Variants in ENTREP2 observed in about 807,000 individuals in gnomAD.
ENTREP2 encodes the protein protein ENTREP2.
chr15:29,381,285 T>C, the ENTREP2 span, among the ~76,000 whole-genome samples: 2 of 150,270 alleles, frequency 1.3e-5, no homozygotes, highest in East Asian at 4.0e-4. Context: ...TGAAACCCCA[T>C]CTCTACTAAA....
At chr15:29,487,847 C>T in the ENTREP2 span, among the ~76,000 whole-genome samples, 2 of 152,178 alleles carry the variant, frequency 1.3e-5, no homozygotes, top group Non-Finnish European at 2.9e-5. Context: ...CATGCACCAC[C>T]ACACCTGGCT....
At chr15:29,213,444 G>C in the ENTREP2 span, among the ~76,000 whole-genome samples, 1 of 152,256 alleles carries the variant, frequency 6.6e-6, no homozygotes, top group African/African-American at 2.4e-5. Context: ...TCTTCCATTT[G>C]TTTGTATCTC....
At chr15:29,547,018 C>A in the ENTREP2 span, among the ~76,000 whole-genome samples, 1 of 151,272 alleles carries the variant, frequency 6.6e-6, no homozygotes, top group African/African-American at 2.4e-5. Context: ...GTAAAGAGGG[C>A]TCAACATATG....
At chr15:29,368,339 T>A in the ENTREP2 span, among the ~76,000 whole-genome samples, 19,655 of 122,220 alleles carry the variant, frequency 0.16, 1,455 homozygotes, top group African/African-American at 0.24. Flanking sequence ...AAAAAAAAAA[T>A]ATATATATAT....
chr15:29,411,882 G>A, the ENTREP2 span, among the ~76,000 whole-genome samples: 1 of 152,058 alleles, frequency 6.6e-6, no homozygotes, highest in African/African-American at 2.4e-5. Flanking sequence ...TCTGCTCCTG[G>A]CCTGCCCTGC....
chr15:29,651,992 A>C, the ENTREP2 span, among the ~76,000 whole-genome samples: 1 of 152,076 alleles, frequency 6.6e-6, no homozygotes, highest in East Asian at 1.9e-4. Flanking sequence ...TGTGGATTGG[A>C]GGGGGAACTC....
chr15:29,377,514 G>A, the ENTREP2 span, among the ~76,000 whole-genome samples: 1 of 152,014 alleles, frequency 6.6e-6, no homozygotes, highest in African/African-American at 2.4e-5. Context: ...GAAGACAGGG[G>A]CAGCTGCATA....
chr15:29,489,257 G>T, the ENTREP2 span, among the ~76,000 whole-genome samples: 1,925 of 152,268 alleles, frequency 0.013, 35 homozygotes, highest in African/African-American at 0.044. Flanking sequence ...CTGCCTGGCC[G>T]AGAGAAATAT....
At chr15:29,655,119 G>A in the ENTREP2 span, among the ~76,000 whole-genome samples, 77 of 152,258 alleles carry the variant, frequency 5.1e-4, 1 homozygote, top group African/African-American at 6.7e-4. Context: ...AAACACAACT[G>A]AAAAATTAGC....
the ENTREP2 span, among the ~76,000 whole-genome samples, chr15:29,463,397 G>A: frequency 0.27 from 40,306 of 151,990 alleles, 5,727 homozygotes; most frequent in East Asian, 0.38. Flanking sequence ...GGCTGCTTAG[G>A]GGATGGGAGT....
At chr15:29,354,780 A>T in the ENTREP2 span, among the ~76,000 whole-genome samples, 1 of 152,078 alleles carries the variant, frequency 6.6e-6, no homozygotes, top group East Asian at 1.9e-4. Flanking sequence ...ACCAGTTAAA[A>T]CTCTGCACTG....
the ENTREP2 span, among the ~76,000 whole-genome samples, chr15:29,597,067 C>A: frequency 1.4e-5 from 2 of 142,712 alleles, no homozygotes; most frequent in Non-Finnish European, 3.1e-5. Context: ...TTGTATATGC[C>A]ATTATAGTAT....
chr15:29,290,283 G>A, the ENTREP2 span, among the ~76,000 whole-genome samples: 5 of 152,286 alleles, frequency 3.3e-5, no homozygotes, highest in East Asian at 3.9e-4. Flanking sequence ...TGTGCCAGGC[G>A]TGCTTCCACC....
At chr15:29,155,489 T>C in the ENTREP2 span, among the ~76,000 whole-genome samples, 1 of 152,142 alleles carries the variant, frequency 6.6e-6, no homozygotes, top group African/African-American at 2.4e-5. Context: ...CGTTTCTTCA[T>C]ATGCACGTGC....
At chr15:29,391,405 T>A in the ENTREP2 span, among the ~76,000 whole-genome samples, 1 of 152,056 alleles carries the variant, frequency 6.6e-6, no homozygotes, top group Non-Finnish European at 1.5e-5. Flanking sequence ...AAAAGAACTC[T>A]GCAGCTTTCA....
At chr15:29,306,855 C>G in the ENTREP2 span, among the ~76,000 whole-genome samples, 1 of 151,754 alleles carries the variant, frequency 6.6e-6, no homozygotes, top group Non-Finnish European at 1.5e-5. Flanking sequence ...AAGTGGTTCT[C>G]CAACCTCAGC....
chr15:29,466,043 G>A, the ENTREP2 span, among the ~76,000 whole-genome samples: 2 of 152,180 alleles, frequency 1.3e-5, no homozygotes, highest in African/African-American at 4.8e-5. Context: ...TATGTACCAG[G>A]TGCTGTTCTC....
At chr15:29,394,878 A>AT in the ENTREP2 span, among the ~76,000 whole-genome samples, 2 of 42,926 alleles carry the variant, frequency 4.7e-5, no homozygotes, top group African/African-American at 8.7e-5. Context: ...ATGTGTCAGA[A>AT]TCTCTTTTTT....
the ENTREP2 span, among the ~76,000 whole-genome samples, chr15:29,183,352 G>A: frequency 6.6e-6 from 1 of 152,200 alleles, no homozygotes; most frequent in Non-Finnish European, 1.5e-5. Context: ...CTGGCCAGGA[G>A]AGCGGGGATC....
Sources: allele counts gnomAD v4.1 joint callset (sites outside exome capture counted in the v4.1 genomes callset), GRCh38; gene constraint gnomAD v4.1.1; transcripts MANE v1.5; gene names NCBI Gene and HGNC (gene_info 2026-07-23, HGNC 2026-07-21).